The following LBP variants were observed in gnomAD, a reference collection of about 807,000 sequenced individuals.
LBP encodes the protein lipopolysaccharide binding protein.
A neutral mutation model predicts 56.6 loss-of-function variants in LBP; 53 were observed. That is an observed-to-expected ratio of 0.94 (90% CI 0.75 to 1.18). The LOEUF (loss-of-function observed/expected upper bound fraction) is 1.18. Ranked by LOEUF, LBP falls within the 50% of genes most tolerant of loss-of-function variation. LBP has a pLI of 0.00. For missense variants in LBP, 601 were observed against 598.3 expected (o/e 1.00, Z -0.05); for synonymous variants, 227 against 247.5 (o/e 0.92, Z 0.78).
At position 38,364,622 on chromosome 20, in the gene LBP, C is replaced by G; in HGVS notation, c.791C>G (p.Ala264Gly). 1 of 1,614,144 alleles carries G rather than the reference C, an allele frequency of 6.2e-7. No homozygotes were observed. The highest frequency in any genetic ancestry group is 8.5e-7 in the Non-Finnish European group (1 of 1,180,024). Residue 264 changes from alanine (A) to glycine (G), a missense_variant, in exon 8 of 15, where the codon GCT (alanine) becomes GGT (glycine). By Grantham distance (60) the Ala-to-Gly change is moderately conservative (BLOSUM62 0). Transcript: ENST00000217407. ...RNHRSPVTLL[A>G]AVMSLPEEHN... Reference sequence around the variant, plus strand: ...CACCGTTCTCCAGTTACCCTCCTTGCTGCAGTCATGAGCCTTCCTGAGGAA... The same window carrying G: ...CACCGTTCTCCAGTTACCCTCCTTGGTGCAGTCATGAGCCTTCCTGAGGAA...
Position 38,357,518 on chromosome 20 carries a change from TACTC to T in LBP, c.588+2113_588+2116del, listed in dbSNP as rs541409002. 3.7e-4 allele frequency among the ~76,000 whole-genome samples: 56 copies of T among 152,336 alleles called. 1 individual carries two copies. In the South Asian group the frequency reaches 0.011, roughly 31 times the overall value. ...GAATGCTTGCTCTCTGGGCGATATA[TACTC>T]ACTATCTCTATCCCCAACTTCCCAA... is the stretch of plus-strand genomic sequence containing the variant. On this transcript the variant is annotated intron_variant, in intron 5 of 14. Coordinates refer to ENST00000217407, the MANE Select transcript of LBP (RefSeq NM_004139.5).
intron 6 of LBP, among the ~76,000 whole-genome samples, chr20:38,361,799 A>AC (rs1017616012): frequency 2.0e-4 from 31 of 152,098 alleles, no homozygotes; most frequent in African/African-American, 7.2e-4. Context: ...CATGCATGTA[A>AC]CCAGCTCCCA....
At chr20:38,348,941 C>T (rs2076810983) in intron 1 of LBP, among the ~76,000 whole-genome samples, 1 of 152,066 alleles carries the variant, frequency 6.6e-6, no homozygotes, top group Non-Finnish European at 1.5e-5. Flanking sequence ...CTACAGGTGC[C>T]TGCCACCATG....
chr20:38,351,412 C>T (rs557698356), intron 3 of LBP, among the ~76,000 whole-genome samples: 1 of 152,216 alleles, frequency 6.6e-6, no homozygotes, highest in Admixed American at 6.5e-5. Flanking sequence ...GTTACTCCAG[C>T]CCCACGCTGT....
intron 10 of LBP, among the ~76,000 whole-genome samples, chr20:38,369,792 C>T (rs2076895053): frequency 6.6e-6 from 1 of 152,208 alleles, no homozygotes; most frequent in South Asian, 2.1e-4. Context: ...ACTAGCTTCT[C>T]AACAATTCCA....
intron 5 of LBP, among the ~76,000 whole-genome samples, chr20:38,359,022 T>C (rs1244707972): frequency 8.5e-5 from 13 of 152,224 alleles, no homozygotes; most frequent in Non-Finnish European, 1.8e-4. Flanking sequence ...CCTTGGTCTT[T>C]CCTGCATAAA....
Position 38,375,322 on chromosome 20 carries a change from C to A in LBP, c.1402-1303C>A, listed in dbSNP as rs532665209. 2.6e-5 allele frequency among the ~76,000 whole-genome samples: 4 copies of A among 151,556 alleles called. No homozygotes were observed. In the South Asian group the frequency reaches 8.3e-4, roughly 32 times the overall value. On this transcript the variant is annotated intron_variant, in intron 14 of 14. Transcript: ENST00000217407. ...TTTAGGCCAGGAGCGGTGGTTCATG[C>A]CTGTAACCCCAGCACTTTGGGAGGC...
chr20:38,370,857 T>G (rs2076898463), intron 11 of LBP, 52 bp downstream of exon 11: 1 of 1,387,208 alleles, frequency 7.2e-7, no homozygotes, highest in Non-Finnish European at 1.0e-6. Context: ...TCCATCTGTA[T>G]GCTGTAGCTG....
Position 38,364,645 on chromosome 20 carries a change from G to A in LBP, c.814G>A (p.Glu272Lys). The change falls in exon 8 of 15, where the codon GAA (glutamate) becomes AAA (lysine). Residue 272 changes from glutamate (E) to lysine (K), a missense_variant. Transcript: ENST00000217407. ...LLAAVMSLPE[E>K]HNKMVYFAIS... The stretch of plus-strand genomic sequence containing the variant: ...TGCTGCAGTCATGAGCCTTCCTGAG[G>A]AACACAACAAAATGGTCTACTTTGC... 6.2e-7 allele frequency: 1 copy of A among 1,614,004 alleles called. No homozygotes were observed. The highest frequency in any genetic ancestry group is 1.7e-5 in the Admixed American group (1 of 59,998).
Position 38,346,694 on chromosome 20 carries a change from C to T in LBP, c.124+54C>T. The stretch of plus-strand genomic sequence containing the variant: ...TGGCAAACCCACGCTCCAGGCTGCT[C>T]TGGGTACAGTGGGGACAGGGAGTGG... On this transcript the variant is annotated intron_variant, in intron 1 of 14. Coordinates refer to ENST00000217407, the MANE Select transcript of LBP (RefSeq NM_004139.5). The T allele has an allele frequency of 1.9e-6, 3 of 1,607,146 alleles. No homozygotes were observed. In the South Asian group the frequency reaches 3.3e-5, roughly 18 times the overall value.
chr20:38,357,054 A>C (rs1297938953), intron 5 of LBP, among the ~76,000 whole-genome samples: 1 of 152,076 alleles, frequency 6.6e-6, no homozygotes, highest in African/African-American at 2.4e-5. Flanking sequence ...ACGGGGTTTC[A>C]CCATATTGGC....
chr20:38,364,183 T>C, intron 7 of LBP, 117 bp downstream of exon 7: 1 of 719,426 alleles, frequency 1.4e-6, no homozygotes, highest in Non-Finnish European at 2.4e-6. Context: ...GGTTCCCGCT[T>C]TGTCAAGGGC....
chr20:38,360,504 C>T (rs928056763), intron 5 of LBP, among the ~76,000 whole-genome samples, 200 bp from the exon 6 acceptor site: 1 of 152,084 alleles, frequency 6.6e-6, no homozygotes, highest in African/African-American at 2.4e-5. Flanking sequence ...CCAACTGGAC[C>T]CTAGTGGAGT....
intron 5 of LBP, among the ~76,000 whole-genome samples, chr20:38,356,213 AAC>A (rs1275780662): frequency 5.5e-4 from 1 of 1,814 alleles, no homozygotes; most frequent in Non-Finnish European, 1.0e-3. Flanking sequence ...ACCCCACACA[AAC>A]ACACACACCC....
At chr20:38,374,950 A>ATTTTTTTTTTTTTTT (rs370110558) in intron 14 of LBP, among the ~76,000 whole-genome samples, 7 of 127,142 alleles carry the variant, frequency 5.5e-5, no homozygotes, top group African/African-American at 1.5e-4. Flanking sequence ...CTCCCAGCTA[A>ATTTTTTTTTTTTTTT]TTTTTTTTTT....
At chr20:38,367,992 G>A (rs1246128318) in intron 9 of LBP, among the ~76,000 whole-genome samples, 1 of 151,816 alleles carries the variant, frequency 6.6e-6, no homozygotes, top group Non-Finnish European at 1.5e-5. Context: ...AGGAGTTCAA[G>A]ACCAACCTGG....
In LBP at chr20:38,364,596, C is replaced by G; in HGVS notation, c.765C>G (p.Asn255Lys). ...VMFKGEIFHR[N>K]HRSPVTLLAA... Reference sequence around the variant, plus strand: ...TCCAGGGTGAAATCTTTCATCGTAACCACCGTTCTCCAGTTACCCTCCTTG... The same window carrying G: ...TCCAGGGTGAAATCTTTCATCGTAAGCACCGTTCTCCAGTTACCCTCCTTG... The change falls in exon 8 of 15, where the codon AAC becomes AAG. Residue 255 changes from asparagine to lysine, a missense_variant. Asn to Lys is a moderately conservative substitution (Grantham distance 94). Transcript: ENST00000217407. The G allele has an allele frequency of 6.2e-7, 1 of 1,614,146 alleles. No homozygotes were observed. The highest frequency in any genetic ancestry group is 8.5e-7 in the Non-Finnish European group (1 of 1,180,014).
At chr20:38,374,132 C>A in intron 14 of LBP, 119 bp downstream of exon 14, 2 of 1,033,434 alleles carry the variant, frequency 1.9e-6, no homozygotes, top group Non-Finnish European at 3.0e-6. Flanking sequence ...GAAAGTCTGG[C>A]CAGGGGCAGG....
chr20:38,358,502 C>T (rs1178877222), intron 5 of LBP, among the ~76,000 whole-genome samples: 2 of 152,162 alleles, frequency 1.3e-5, no homozygotes, highest in African/African-American at 4.8e-5. Flanking sequence ...AAGGAGCGGT[C>T]TTCAGGGAGA....
Sources: allele counts gnomAD v4.1 joint callset (sites outside exome capture counted in the v4.1 genomes callset), GRCh38; gene constraint gnomAD v4.1.1; transcripts MANE v1.5; gene names NCBI Gene and HGNC (gene_info 2026-07-23, HGNC 2026-07-21).